The following CCP110 variants were observed in gnomAD, a reference collection of about 807,000 sequenced individuals.
The protein encoded by CCP110 is centriolar coiled-coil protein 110, also known as centriolar coiled-coil protein of 110 kDa.
CCP110 carries 43 observed loss-of-function variants against 105.5 expected under a neutral mutation model. The ratio of observed to expected loss-of-function variants is 0.41; its 90% CI spans 0.32 to 0.53. CCP110 has a LOEUF of 0.53. Among genes scored for constraint, CCP110 ranks in the 20% least tolerant of loss-of-function variants. The probability of loss-of-function intolerance (pLI) is 0.32; values close to 1 mark genes in which losing one functional copy is unlikely to be tolerated. For synonymous variants in CCP110, 353 were observed against 392.1 expected (o/e 0.90, Z 1.18); for missense variants, 1,016 against 1,189.1 (o/e 0.85, Z 2.14).
At chr16:19,530,332 T>C (rs1322425928) in intron 2 of CCP110, among the ~76,000 whole-genome samples, 1 of 152,226 alleles carries the variant, frequency 6.6e-6, no homozygotes, top group Non-Finnish European at 1.5e-5. Flanking sequence ...TCCCTGTAGT[T>C]CCTATGAACT....
chr16:19,548,692 C>CT lies in CCP110; in HGVS notation c.2986+95dup. ...AGGCCATAGAAGTGGAATAGATTGT[C>CT]TTTCCTTGCCACCATAATTTTGGCA... On this transcript the variant is annotated intron_variant, in intron 14 of 14. Coordinates refer to ENST00000381396, the Ensembl canonical transcript of CCP110. This position sits in a 1 kb window ranked among gnomAD's most constrained non-coding sequence, Gnocchi z 4.1. The CT allele has an allele frequency of 1.3e-6, 1 of 749,288 alleles. No individual in the cohort carries two copies. Among genetic ancestry groups the CT allele is most frequent in the Non-Finnish European group, 2.2e-6 (1 of 462,062 alleles). 46.4% of individuals were successfully genotyped at this position (749,288 alleles called of 1,614,324 possible).
intron 11 of CCP110, 41 bp downstream of exon 11, chr16:19,545,931 T>C: frequency 8.8e-7 from 1 of 1,138,586 alleles, no homozygotes; most frequent in Non-Finnish European, 1.3e-6. Context: ...ATCAAACCAA[T>C]TAATTTTAGT....
chr16:19,544,010 T>G (rs1970377283), intron 8 of CCP110, among the ~76,000 whole-genome samples: 1 of 152,198 alleles, frequency 6.6e-6, no homozygotes, highest in Non-Finnish European at 1.5e-5. Flanking sequence ...ATGTGATCTT[T>G]GTGACCTACT....
chr16:19,532,896 G>A (rs573811206), intron 3 of CCP110, among the ~76,000 whole-genome samples: 1 of 152,172 alleles, frequency 6.6e-6, no homozygotes, highest in African/African-American at 2.4e-5. Context: ...TTGACTAAAT[G>A]ACCTTATTCT....
At chr16:19,527,401 A>T (rs1969711550) in intron 1 of CCP110, among the ~76,000 whole-genome samples, 1 of 152,046 alleles carries the variant, frequency 6.6e-6, no homozygotes, top group Non-Finnish European at 1.5e-5. Flanking sequence ...TAACCTCTGA[A>T]CTTCAAAATA....
Position 19,548,261 on chromosome 16 carries a change from CAT to C in CCP110, c.2900+249_2900+250del, listed in dbSNP as rs1345047949. ...ACTTTTCATTTCATACCATTTTACT[CAT>C]AAAGTATTTTAAATATCCATATAGT... On this transcript the variant is annotated intron_variant, in intron 13 of 14. Coordinates refer to ENST00000381396, the Ensembl canonical transcript of CCP110. This position sits in a 1 kb window ranked among gnomAD's most constrained non-coding sequence, Gnocchi z 4.1. 1 of 575,212 alleles carries C rather than the reference CAT, an allele frequency of 1.7e-6. No homozygotes were observed. The highest frequency in any genetic ancestry group is 3.1e-6 in the Non-Finnish European group (1 of 326,948). The allele number at this position is 575,212 out of a possible 1,614,324, so 35.6% of individuals were successfully genotyped here.
At chr16:19,535,003 C>T (rs2151468233) in intron 3 of CCP110, among the ~76,000 whole-genome samples, 1 of 151,608 alleles carries the variant, frequency 6.6e-6, no homozygotes. Flanking sequence ...GCTTCAGCCT[C>T]CTGAGTAGCT....
At chr16:19,550,445 G>A (rs1046024756) in intron 14 of CCP110, among the ~76,000 whole-genome samples, 1 of 152,304 alleles carries the variant, frequency 6.6e-6, no homozygotes, top group East Asian at 1.9e-4. Flanking sequence ...AAGCCACCGC[G>A]TCCAGCCAGA....
intron 12 of CCP110, chr16:19,547,716 T>C: frequency 2.3e-6 from 1 of 432,526 alleles, no homozygotes; most frequent in East Asian, 4.0e-5. Context: ...CAAGGGTTAG[T>C]CTATATGTTG....
intron 1 of CCP110, chr16:19,527,077 A>G (rs1969698520): frequency 6.6e-6 from 1 of 152,220 alleles, no homozygotes; most frequent in African/African-American, 2.4e-5. Flanking sequence ...TTTCATAATC[A>G]CAATTTCCCA....
intron 4 of CCP110, among the ~76,000 whole-genome samples, chr16:19,537,990 A>G (rs1011314800): frequency 6.6e-6 from 1 of 152,146 alleles, no homozygotes; most frequent in Non-Finnish European, 1.5e-5. Context: ...TCTCAAACTC[A>G]TGAGCTTGAG....
chr16:19,539,944 C>T (rs1238779159), intron 4 of CCP110, among the ~76,000 whole-genome samples: 1 of 151,710 alleles, frequency 6.6e-6, no homozygotes, highest in African/African-American at 2.4e-5. Flanking sequence ...AGATTACAGG[C>T]ATGCGCTTGT....
At chr16:19,542,170 C>A in intron 6 of CCP110, 106 bp downstream of exon 6, 1 of 760,786 alleles carries the variant, frequency 1.3e-6, no homozygotes, top group South Asian at 2.1e-5. Flanking sequence ...GATTCCATGT[C>A]CAACCCTCTT....
At chr16:19,549,759 G>C (rs1020250027) in intron 14 of CCP110, among the ~76,000 whole-genome samples, 8 of 152,184 alleles carry the variant, frequency 5.3e-5, no homozygotes, top group Non-Finnish European at 7.3e-5. Flanking sequence ...CTGAAACTTA[G>C]CAAGTTGGAA....
chr16:19,551,349 CAA>C (rs1386632337), exon 15 of CCP110: 2 of 955,186 alleles, frequency 2.1e-6, no homozygotes, highest in Admixed American at 1.7e-5. Flanking sequence ...TTTACACAGA[CAA>C]AGTGACATCA....
chr16:19,545,018 G>T, intron 9 of CCP110, 76 bp from the exon 10 acceptor site: 1 of 983,360 alleles, frequency 1.0e-6, no homozygotes, highest in East Asian at 2.4e-5. Context: ...ATAAATAAGT[G>T]TACATGGTAT....
intron 3 of CCP110, 36 bp from the exon 4 acceptor site, chr16:19,535,904 A>T (rs1970034518): frequency 7.4e-7 from 1 of 1,345,482 alleles, no homozygotes; most frequent in African/African-American, 1.5e-5. Context: ...TTTTTGTGCA[A>T]TGAGGAAATA....
Position 19,545,152 on chromosome 16 carries a change from G to T in CCP110, c.2645G>T (p.Arg882Ile), listed in dbSNP as rs1230454918. The change falls in exon 10 of 15, where the codon AGA becomes ATA. Residue 882 changes from arginine (R) to isoleucine (I), a missense_variant. Arg to Ile is a moderately conservative substitution (Grantham distance 97). Transcript: ENST00000381396. ...TTCTTTGTAATGGATGCAGCTGAAA[G>T]AATGTCTATTCTACATCATGATCGA... is the stretch of plus-strand genomic sequence containing the variant. 4 of 1,612,728 alleles carry T rather than the reference G, an allele frequency of 2.5e-6. No individual in the cohort carries two copies. The highest frequency in any genetic ancestry group is 3.3e-5 in the Admixed American group (2 of 59,872).
chr16:19,545,923 C>G, intron 11 of CCP110, 33 bp downstream of exon 11: 1 of 1,227,996 alleles, frequency 8.1e-7, no homozygotes, highest in Middle Eastern at 2.0e-4. Context: ...TGTTAGTTAT[C>G]AAACCAATTA....
Sources: allele counts gnomAD v4.1 joint callset (sites outside exome capture counted in the v4.1 genomes callset), GRCh38; gene constraint gnomAD v4.1.1; non-coding constraint Gnocchi (gnomAD v3.1); transcripts MANE v1.5; gene names NCBI Gene and HGNC (gene_info 2026-07-23, HGNC 2026-07-21).